Variants in EIF3M observed in about 807,000 individuals in gnomAD.
The protein encoded by EIF3M is eukaryotic translation initiation factor 3 subunit M, also known as B5 receptor.
Under a neutral mutation model 49.7 loss-of-function variants are expected in EIF3M, and 25 were observed. The observed-to-expected ratio is 0.50, with a 90% CI of 0.37 to 0.70. The LOEUF is 0.70. EIF3M is among the 30% of genes least tolerant of loss of function. The probability of loss-of-function intolerance (pLI) is 0.00; values close to 1 mark genes in which losing one functional copy is unlikely to be tolerated. For missense variants in EIF3M, 350 were observed against 440.0 expected (o/e 0.80, Z 1.83); for synonymous variants, 156 against 149.8 (o/e 1.04, Z -0.30).
chr11:32,594,854 AACTC>A (rs1855155250), intron 6 of EIF3M, 56 bp from the exon 7 acceptor site: 1 of 1,501,422 alleles, frequency 6.7e-7, no homozygotes, highest in South Asian at 1.2e-5. Context: ...GATCTGCAAA[AACTC>A]AATGAAAAGC....
chr11:32,591,931 C>T (rs540368119), intron 5 of EIF3M: 17 of 271,034 alleles, frequency 6.3e-5, no homozygotes, highest in South Asian at 3.2e-4. Flanking sequence ...CCACCACCAC[C>T]GTAATTACCA....
At chr11:32,588,567 TTGA>T (rs750276671) in intron 2 of EIF3M, 24 bp from the exon 3 acceptor site, 12 of 1,608,058 alleles carry the variant, frequency 7.5e-6, no homozygotes, top group Non-Finnish European at 1.0e-5. Context: ...AGTATCACTG[TTGA>T]TTGTGTTATC....
intron 3 of EIF3M, 80 bp from the exon 4 acceptor site, chr11:32,588,932 A>C: frequency 6.4e-7 from 1 of 1,567,428 alleles, no homozygotes; most frequent in Non-Finnish European, 8.7e-7. Context: ...TACCTGCCAC[A>C]GGTTTGTGGT....
rs1368691680 is a variant in EIF3M, at chr11:32,605,204, G to GT, written c.*2806dup. The GT allele has an allele frequency of 6.8e-6, 1 of 147,684 alleles. No homozygotes were observed. The highest frequency in any genetic ancestry group is 1.5e-5 in the Non-Finnish European group (1 of 67,262). 9.1% of individuals were successfully genotyped at this position (147,684 alleles called of 1,614,324 possible). On this transcript the variant is annotated 3_prime_UTR_variant, in exon 11 of 11. Transcript: ENST00000531120. ...TTAATGAACTTAAATGTTTAGAATG[G>GT]TAAGTTCACGGCTCCCTAAGGAGTG... is the stretch of plus-strand genomic sequence containing the variant.
chr11:32,592,357 C>G (rs749963318), intron 5 of EIF3M: 2 of 552,256 alleles, frequency 3.6e-6, no homozygotes, highest in African/African-American at 1.9e-5. Flanking sequence ...TCCACTCTGC[C>G]AGTCCTCCTG....
chr11:32,601,619 T>C (rs1855266882), intron 9 of EIF3M, 143 bp from the exon 10 acceptor site: 1 of 689,798 alleles, frequency 1.4e-6, no homozygotes, highest in African/African-American at 1.8e-5. Context: ...CCATACTGTT[T>C]TGCTTATTAG....
At chr11:32,596,615 A>C (rs1056692056) in intron 8 of EIF3M, among the ~76,000 whole-genome samples, 2 of 150,674 alleles carry the variant, frequency 1.3e-5, no homozygotes, top group African/African-American at 4.9e-5. Context: ...AAAAAAAAAA[A>C]AAAAAGAAAG....
Position 32,603,334 on chromosome 11 carries a change from C to A in EIF3M, c.*935C>A, listed in dbSNP as rs1855302069. The A allele has an allele frequency of 4.3e-6, 1 of 233,974 alleles. No homozygotes were observed. Among genetic ancestry groups the A allele is most frequent in the African/African-American group, 2.4e-5 (1 of 42,120 alleles). 14.5% of individuals were successfully genotyped at this position (233,974 alleles called of 1,614,324 possible). ...GGGCAGTGAGATATTTGGAAGTTGGCATGTTTTCAAGACACTGTATTGGGT... is the reference window on the plus strand; with the variant it reads ...GGGCAGTGAGATATTTGGAAGTTGGAATGTTTTCAAGACACTGTATTGGGT... On this transcript the variant is annotated 3_prime_UTR_variant, in exon 11 of 11. Coordinates refer to ENST00000531120, the MANE Select transcript of EIF3M (RefSeq NM_006360.6).
chr11:32,599,670 T>G (rs894858526), intron 8 of EIF3M, among the ~76,000 whole-genome samples: 24 of 151,980 alleles, frequency 1.6e-4, no homozygotes, highest in African/African-American at 5.8e-4. Flanking sequence ...AAACTTAGTT[T>G]TATAATTAAT....
intron 5 of EIF3M, among the ~76,000 whole-genome samples, chr11:32,593,447 G>A (rs1172689204): frequency 6.6e-6 from 1 of 152,034 alleles, no homozygotes; most frequent in Non-Finnish European, 1.5e-5. Flanking sequence ...TGCGCCTAGG[G>A]CCTTTATACT....
chr11:32,601,407 A>G (rs1329110196), intron 9 of EIF3M: 1 of 173,170 alleles, frequency 5.8e-6, no homozygotes, highest in African/African-American at 2.4e-5. Context: ...TTTTCCCCTA[A>G]TGCTCTAAGT....
chr11:32,596,901 T>C (rs944630400), intron 8 of EIF3M, among the ~76,000 whole-genome samples: 2 of 151,684 alleles, frequency 1.3e-5, no homozygotes, highest in Non-Finnish European at 2.9e-5. Context: ...TGAGGCTCCA[T>C]CTCAAAAAAC....
At position 32,606,148 on chromosome 11, in the gene EIF3M, C is replaced by T. The variant is rs1194371102; in HGVS notation, c.*3749C>T. On this transcript the variant is annotated 3_prime_UTR_variant, in exon 11 of 11. Transcript: ENST00000531120. ...AAAAACATACCATCTTTTCAAGTTA[C>T]TTTGGACCCATAGAGAGAAAGTGGA... is the stretch of plus-strand genomic sequence containing the variant. 2 of 152,146 alleles carry T rather than the reference C, an allele frequency of 1.3e-5. No homozygotes were observed. The highest frequency in any genetic ancestry group is 4.8e-5 in the African/African-American group (2 of 41,430). 9.4% of individuals were successfully genotyped at this position (152,146 alleles called of 1,614,324 possible).
intron 5 of EIF3M, among the ~76,000 whole-genome samples, chr11:32,593,539 T>C (rs1451627624): frequency 6.6e-6 from 1 of 152,196 alleles, no homozygotes; most frequent in Non-Finnish European, 1.5e-5. Context: ...AAGGATATTT[T>C]ACATCATTTT....
At chr11:32,597,821 AT>A (rs985905775) in intron 8 of EIF3M, among the ~76,000 whole-genome samples, 2 of 151,624 alleles carry the variant, frequency 1.3e-5, no homozygotes, top group African/African-American at 4.8e-5. Flanking sequence ...TTAAGACTGA[AT>A]TTTTTTTTGT....
Position 32,595,033 on chromosome 11 carries a change from A to C in EIF3M, c.717+20A>C, listed in dbSNP as rs1855158776. ...CATGATGTAAGTAGTTTATCCTTTA[A>C]TGTGAAAAATGTTCTCCTTTCCTAA... On this transcript the variant is annotated intron_variant, in intron 7 of 10. Transcript: ENST00000531120. 2 of 1,595,052 alleles carry C rather than the reference A, an allele frequency of 1.3e-6. No individual in the cohort carries two copies. Among genetic ancestry groups the C allele is most frequent in the Non-Finnish European group, 1.7e-6 (2 of 1,170,984 alleles).
intron 7 of EIF3M, among the ~76,000 whole-genome samples, 200 bp from the exon 8 acceptor site, chr11:32,595,766 A>T (rs1855169111): frequency 6.6e-6 from 1 of 152,216 alleles, no homozygotes; most frequent in Non-Finnish European, 1.5e-5. Context: ...AGCTCAGTGT[A>T]TTTACTGATT....
intron 1 of EIF3M, among the ~76,000 whole-genome samples, chr11:32,585,539 C>A (rs1854982147): frequency 6.6e-6 from 1 of 152,186 alleles, no homozygotes; most frequent in Non-Finnish European, 1.5e-5. Flanking sequence ...CTTCCACAAC[C>A]ACTTGTGGCA....
rs775849863 is a variant in EIF3M at position 32,590,684 on chromosome 11, C to A, written c.533+1043C>A. On this transcript the variant is annotated intron_variant, in intron 5 of 10. Transcript: ENST00000531120. ...ACGACATTTCTGACATTCTGCCAAT[C>A]TAAATGTTGAGAGTTGGTTTTCTTC... Among the ~76,000 whole-genome samples, 15 of 152,260 alleles carry A rather than the reference C, an allele frequency of 9.9e-5. No homozygotes were observed. In the Middle Eastern group the frequency reaches 0.014, roughly 138 times the overall value.
Sources: gnomAD v4.1 joint callset for allele counts (sites outside exome capture counted in the v4.1 genomes callset) on GRCh38, gnomAD v4.1.1 for gene constraint, MANE v1.5 for transcripts, NCBI Gene and HGNC (gene_info 2026-07-23, HGNC 2026-07-21) for gene names.